The following AGBL1 variants were observed in gnomAD, a reference collection of about 807,000 sequenced individuals.
The protein encoded by AGBL1 is cytosolic carboxypeptidase 4.
In AGBL1, 130 loss-of-function variants were observed where a neutral mutation model predicts 118.9. The observed-to-expected ratio is 1.09, with a 90% CI of 0.95 to 1.26. The LOEUF (loss-of-function observed/expected upper bound fraction) is 1.26, where lower values mean the gene tolerates loss of function less well. Among genes scored for constraint, AGBL1 ranks in the 50% most tolerant of loss-of-function variants. The pLI is 0.00. For missense variants in AGBL1, 1,584 were observed against 1,298.1 expected, an observed-to-expected ratio of 1.22 and a Z score of -3.38; for synonymous variants, 555 against 478.9, an observed-to-expected ratio of 1.16 and a Z score of -2.08.
At chr15:86,396,160 T>C (rs976388873) in intron 17 of AGBL1, among the ~76,000 whole-genome samples, 1 of 146,130 alleles carries the variant, frequency 6.8e-6, no homozygotes, top group African/African-American at 2.6e-5. Context: ...TATATATATA[T>C]ATAAAATCAT....
chr15:86,727,011 G>A (rs971195588), intron 22 of AGBL1, among the ~76,000 whole-genome samples: 1 of 152,090 alleles, frequency 6.6e-6, no homozygotes, highest in African/African-American at 2.4e-5. Flanking sequence ...GTCAGTGGGA[G>A]GAAAAGGATA....
At chr15:86,502,018 T>C (rs542162836) in intron 18 of AGBL1, among the ~76,000 whole-genome samples, 4 of 151,744 alleles carry the variant, frequency 2.6e-5, no homozygotes, top group Admixed American at 2.0e-4. Flanking sequence ...GTTGAAACTG[T>C]AGATCAATCT....
chr15:86,102,379 G>A (rs542620749), intron 1 of AGBL1, among the ~76,000 whole-genome samples: 1 of 152,166 alleles, frequency 6.6e-6, no homozygotes, highest in East Asian at 1.9e-4. Context: ...CTCTGCCAGT[G>A]AGTTTTATAC....
rs2080382083 is a variant in AGBL1, at chr15:86,913,687, G to A, written c.*6393G>A. The A allele has an allele frequency of 6.6e-6, 1 of 152,152 alleles. No individual in the cohort carries two copies. The highest frequency in any genetic ancestry group is 1.5e-5 in the Non-Finnish European group (1 of 68,078). The allele number at this position is 152,152 out of a possible 1,614,324, so 9.4% of individuals were successfully genotyped here. A position where few individuals can be genotyped will look rare whatever the true frequency, so the allele number is the denominator to read the frequency against. ...GAGACCAGCCTGGGCAACATAGTTAGACCCTGAATCTACAAAAAATAAAGA... is the reference window on the plus strand; with the variant it reads ...GAGACCAGCCTGGGCAACATAGTTAAACCCTGAATCTACAAAAAATAAAGA... On this transcript the variant is annotated 3_prime_UTR_variant, in exon 23 of 23. Coordinates refer to ENST00000614907, the MANE Select transcript of AGBL1 (RefSeq NM_001386094.1).
intron 4 of AGBL1, among the ~76,000 whole-genome samples, chr15:86,155,110 C>T (rs1567091524): frequency 6.6e-6 from 1 of 152,112 alleles, no homozygotes. Flanking sequence ...TGACTTATTT[C>T]TAATTATCAT....
intron 18 of AGBL1, among the ~76,000 whole-genome samples, chr15:86,471,708 G>C (rs1180562566): frequency 3.3e-5 from 5 of 151,998 alleles, no homozygotes; most frequent in African/African-American, 1.2e-4. Context: ...GCATTCCAGT[G>C]CTTCTATATT....
chr15:86,352,371 C>G (rs1054725078), intron 17 of AGBL1, among the ~76,000 whole-genome samples: 9 of 152,132 alleles, frequency 5.9e-5, no homozygotes, highest in African/African-American at 1.9e-4. Flanking sequence ...TGTCAGTAGG[C>G]AACTCATGTG....
chr15:86,806,852 A>T (rs898658407), intron 22 of AGBL1, among the ~76,000 whole-genome samples: 2 of 151,540 alleles, frequency 1.3e-5, no homozygotes, highest in Non-Finnish European at 2.9e-5. Context: ...TATCTTTTAC[A>T]TCTATTATAT....
intron 17 of AGBL1, among the ~76,000 whole-genome samples, chr15:86,324,213 A>T (rs1328795536): frequency 1.3e-5 from 2 of 152,244 alleles, no homozygotes; most frequent in Non-Finnish European, 2.9e-5. Flanking sequence ...AAATATACAA[A>T]CAAATAGAAT....
At chr15:86,655,504 C>G (rs547780206) in intron 21 of AGBL1, among the ~76,000 whole-genome samples, 1 of 152,158 alleles carries the variant, frequency 6.6e-6, no homozygotes, top group Non-Finnish European at 1.5e-5. Context: ...TTTCTCTTGT[C>G]TTTCCTTTTC....
chr15:86,557,093 C>T (rs1363608664), intron 21 of AGBL1, among the ~76,000 whole-genome samples: 1 of 152,148 alleles, frequency 6.6e-6, no homozygotes, highest in African/African-American at 2.4e-5. Context: ...TTATCCTGCT[C>T]TTGTTTCTTT....
At chr15:86,692,776 G>C (rs1158784453) in intron 22 of AGBL1, among the ~76,000 whole-genome samples, 1 of 152,044 alleles carries the variant, frequency 6.6e-6, no homozygotes, top group Non-Finnish European at 1.5e-5. Context: ...CATTTCTCCT[G>C]ATTCCCCAAA....
chr15:86,154,186 A>G (rs533924275), intron 3 of AGBL1, among the ~76,000 whole-genome samples: 1 of 152,330 alleles, frequency 6.6e-6, no homozygotes, highest in African/African-American at 2.4e-5. Context: ...CAACCTAAAT[A>G]TAGGGGCTTG....
intron 18 of AGBL1, among the ~76,000 whole-genome samples, chr15:86,410,528 C>T (rs2081592518): frequency 6.6e-6 from 1 of 151,728 alleles, no homozygotes; most frequent in African/African-American, 2.4e-5. Flanking sequence ...GAGTAGTAAG[C>T]CCTAACCACT....
intron 3 of AGBL1, among the ~76,000 whole-genome samples, chr15:86,150,050 G>A (rs2077086661): frequency 6.6e-6 from 1 of 152,108 alleles, no homozygotes; most frequent in African/African-American, 2.4e-5. Flanking sequence ...CGAAATGAAG[G>A]CAGAAATAAA....
rs180981478 is a variant in AGBL1 at position 86,387,027 on chromosome 15, G to A, written c.2375-10339G>A. ...AGCAAATATTTTCTGAATAATTCCC[G>A]TGTAGACAACAGAGAAATAAGGTAT... On this transcript the variant is annotated intron_variant, in intron 17 of 22. Transcript: ENST00000614907. Among the ~76,000 whole-genome samples the A allele has an allele frequency of 6.6e-4, 101 of 152,214 alleles. 1 individual carries two copies. The highest frequency in any genetic ancestry group is 4.2e-3 in the Admixed American group (65 of 15,298).
At chr15:86,557,882 G>C (rs1221003269) in intron 21 of AGBL1, among the ~76,000 whole-genome samples, 1 of 152,080 alleles carries the variant, frequency 6.6e-6, no homozygotes, top group African/African-American at 2.4e-5. Context: ...CTGTCCTTGG[G>C]TAAGTAGAAA....
intron 22 of AGBL1, among the ~76,000 whole-genome samples, chr15:86,814,171 T>C (rs2078829009): frequency 6.6e-6 from 1 of 152,186 alleles, no homozygotes; most frequent in South Asian, 2.1e-4. Context: ...GAGCTCTGCC[T>C]CTTGTCAAAT....
intron 24 of AGBL1, among the ~76,000 whole-genome samples, chr15:87,019,081 T>C (rs1366691533): frequency 6.6e-6 from 1 of 152,116 alleles, no homozygotes; most frequent in Non-Finnish European, 1.5e-5. Flanking sequence ...CTATCCTAAA[T>C]ATATATGCAC....
Sources: allele counts gnomAD v4.1 joint callset (sites outside exome capture counted in the v4.1 genomes callset), GRCh38; gene constraint gnomAD v4.1.1; transcripts MANE v1.5; gene names NCBI Gene and HGNC (gene_info 2026-07-23, HGNC 2026-07-21).